SCD5: variants seen among roughly 807,000 people sequenced by gnomAD.
The protein encoded by SCD5 is stearoyl-CoA desaturase 5.
SCD5 carries 20 observed loss-of-function variants against 30.4 expected under a neutral mutation model. The ratio of observed to expected loss-of-function variants is 0.66; its 90% CI spans 0.46 to 0.96. SCD5 has a LOEUF of 0.96. SCD5 is among the 40% of genes least tolerant of loss of function. The pLI, the probability that SCD5 is intolerant of heterozygous loss-of-function variation, is 0.00. For missense variants in SCD5, 381 were observed against 443.3 expected (o/e 0.86, Z 1.26); for synonymous variants, 173 against 176.4 (o/e 0.98, Z 0.16).
At chr4:82,746,212 C>G (rs1226987493) in intron 1 of SCD5, among the ~76,000 whole-genome samples, 1 of 152,184 alleles carries the variant, frequency 6.6e-6, no homozygotes, top group African/African-American at 2.4e-5. Flanking sequence ...TTTCCATTAT[C>G]ACTGAATTAG....
intron 1 of SCD5, among the ~76,000 whole-genome samples, chr4:82,782,798 G>C (rs79436876): frequency 6.6e-6 from 1 of 152,192 alleles, no homozygotes; most frequent in East Asian, 1.9e-4. Context: ...ACCAACGTGT[G>C]GATTCCTGTG....
intron 1 of SCD5, among the ~76,000 whole-genome samples, chr4:82,786,600 G>C (rs1721992622): frequency 3.3e-5 from 5 of 151,978 alleles, no homozygotes; most frequent in Non-Finnish European, 7.4e-5. Context: ...AGGAGTTCGA[G>C]ACCAGCCTGG....
chr4:82,745,866 G>A (rs1720972555), intron 1 of SCD5, among the ~76,000 whole-genome samples: 1 of 152,112 alleles, frequency 6.6e-6, no homozygotes, highest in Non-Finnish European at 1.5e-5. Context: ...CACTAAATGC[G>A]GGCTAAGTAG....
At chr4:82,742,068 G>A (rs1438919557) in intron 1 of SCD5, among the ~76,000 whole-genome samples, 15 of 144,960 alleles carry the variant, frequency 1.0e-4, no homozygotes, top group African/African-American at 4.0e-4. Flanking sequence ...TGACAGAAGA[G>A]AGTCCGTCTC....
intron 3 of SCD5, among the ~76,000 whole-genome samples, chr4:82,643,772 A>G (rs1193056756): frequency 1.3e-5 from 2 of 152,246 alleles, no homozygotes; most frequent in Non-Finnish European, 2.9e-5. Flanking sequence ...TATCTTCCTC[A>G]ACAATAGAAA....
chr4:82,753,762 T>C (rs1721161259), intron 1 of SCD5, among the ~76,000 whole-genome samples: 1 of 152,036 alleles, frequency 6.6e-6, no homozygotes, highest in South Asian at 2.1e-4. Context: ...GACTCCAGTT[T>C]ATAGGAAAAG....
In SCD5 at chr4:82,631,266, T is replaced by C; in HGVS notation, c.*61A>G. On this transcript the variant is annotated 3_prime_UTR_variant, in exon 5 of 5. Transcript: ENST00000319540. ...CACGATCCAATGTACAAGAGAGCTA[T>C]TGTAACCAAAGCCATGAACCGAGGT... The C allele has an allele frequency of 6.7e-7, 1 of 1,498,536 alleles. No homozygotes were observed. Among genetic ancestry groups the C allele is most frequent in the African/African-American group, 1.4e-5 (1 of 72,828 alleles). 92.8% of individuals were successfully genotyped at this position (1,498,536 alleles called of 1,614,324 possible). A position where few individuals can be genotyped will look rare whatever the true frequency, so the allele number is the denominator to read the frequency against.
At chr4:82,785,033 C>T (rs1721956957) in intron 1 of SCD5, among the ~76,000 whole-genome samples, 1 of 152,208 alleles carries the variant, frequency 6.6e-6, no homozygotes, top group African/African-American at 2.4e-5. Flanking sequence ...GCTCTAATAG[C>T]TGTGACTTCT....
chr4:82,796,671 T>C (rs1722227691), intron 1 of SCD5, among the ~76,000 whole-genome samples: 1 of 152,064 alleles, frequency 6.6e-6, no homozygotes, highest in South Asian at 2.1e-4. Context: ...ACACCACAGC[T>C]ATTAAAGATA....
chr4:82,751,708 C>T (rs1278772183), intron 1 of SCD5, among the ~76,000 whole-genome samples: 2 of 152,202 alleles, frequency 1.3e-5, no homozygotes. Context: ...CGCACTGCAA[C>T]CTTTGACTCC....
Position 82,798,607 on chromosome 4 carries a change from TGGGGGC to T in SCD5, c.-76_-71del. 1 of 1,370,218 alleles carries T rather than the reference TGGGGGC, an allele frequency of 7.3e-7. No individual in the cohort carries two copies. The highest frequency in any genetic ancestry group is 9.8e-7 in the Non-Finnish European group (1 of 1,024,952). 84.9% of individuals were successfully genotyped at this position (1,370,218 alleles called of 1,614,324 possible). A position where few individuals can be genotyped will look rare whatever the true frequency, so the allele number is the denominator to read the frequency against. ...GCTCTGCCCGAGCGGAGCTCGAGGGTGGGGGCGGGGGCTTCTGCCTTTTAGGGGGGA... is the reference window on the plus strand; with the variant it reads ...GCTCTGCCCGAGCGGAGCTCGAGGGTGGGGGCTTCTGCCTTTTAGGGGGGA... On this transcript the variant is annotated 5_prime_UTR_variant, in exon 1 of 5. Transcript: ENST00000319540.
At chr4:82,668,215 G>A (rs1369595990) in intron 3 of SCD5, among the ~76,000 whole-genome samples, 2 of 152,174 alleles carry the variant, frequency 1.3e-5, no homozygotes, top group Non-Finnish European at 2.9e-5. Context: ...AAGCTGTCTG[G>A]CAGGTGAAAA....
At chr4:82,746,463 G>A (rs1720984440) in intron 1 of SCD5, among the ~76,000 whole-genome samples, 1 of 152,072 alleles carries the variant, frequency 6.6e-6, no homozygotes, top group Admixed American at 6.5e-5. Context: ...CTGAGACCAC[G>A]ATGACATATT....
intron 1 of SCD5, among the ~76,000 whole-genome samples, chr4:82,790,854 T>C (rs981559409): frequency 1.3e-5 from 2 of 151,914 alleles, no homozygotes; most frequent in African/African-American, 4.8e-5. Context: ...TCATCAGGCC[T>C]AGGTAAAGAA....
chr4:82,694,111 G>A (rs955766740), intron 2 of SCD5, among the ~76,000 whole-genome samples: 4 of 152,206 alleles, frequency 2.6e-5, no homozygotes, highest in South Asian at 2.1e-4. Flanking sequence ...CTCTGCCACC[G>A]TCCTCTGTAC....
intron 1 of SCD5, among the ~76,000 whole-genome samples, chr4:82,731,532 T>C (rs561095297): frequency 6.6e-6 from 1 of 152,334 alleles, no homozygotes; most frequent in South Asian, 2.1e-4. Context: ...AGTAAGAGCA[T>C]AAACCAGATC....
At chr4:82,787,522 G>C (rs939752493) in intron 1 of SCD5, among the ~76,000 whole-genome samples, 7 of 152,150 alleles carry the variant, frequency 4.6e-5, no homozygotes, top group African/African-American at 1.7e-4. Context: ...CGCTTCCTTC[G>C]AGCCAGAGCC....
intron 1 of SCD5, among the ~76,000 whole-genome samples, chr4:82,768,623 C>T (rs1721543824): frequency 1.3e-5 from 2 of 152,068 alleles, no homozygotes; most frequent in African/African-American, 4.8e-5. Flanking sequence ...GATCATCTAG[C>T]GAGAGTAAGA....
intron 1 of SCD5, among the ~76,000 whole-genome samples, chr4:82,796,917 T>C (rs1169053639): frequency 2.6e-5 from 4 of 152,132 alleles, no homozygotes; most frequent in Admixed American, 2.6e-4. Context: ...GGAGGTGCAC[T>C]GAGAGAAGGA....
Sources: gnomAD v4.1 joint callset for allele counts (sites outside exome capture counted in the v4.1 genomes callset) on GRCh38, gnomAD v4.1.1 for gene constraint, MANE v1.5 for transcripts, NCBI Gene and HGNC (gene_info 2026-07-23, HGNC 2026-07-21) for gene names.